HLA-C: variants seen among roughly 807,000 people sequenced by gnomAD.
The protein encoded by HLA-C is major histocompatibility complex, class I, C.
A neutral mutation model predicts 36.9 loss-of-function variants in HLA-C; 15 were observed. The observed-to-expected ratio is 0.41, with a 90% CI of 0.27 to 0.63. The LOEUF (loss-of-function observed/expected upper bound fraction) is 0.63, where lower values mean the gene tolerates loss of function less well. HLA-C is among the 20% of genes least tolerant of loss of function. The pLI is 0.35. For synonymous variants in HLA-C, 104 were observed against 174.3 expected (o/e 0.60, Z 3.18); for missense variants, 272 against 400.4 (o/e 0.68, Z 2.74).
exon 3 of HLA-C, chr6:31,271,286 C>G (rs41562320): frequency 1.7e-6 from 2 of 1,172,818 alleles, no homozygotes; most frequent in Non-Finnish European, 2.3e-6. Context: ...TGGTCATACC[C>G]GCGGAGGAGG....
At chr6:31,269,244 C>G (rs112392852) in intron 7 of HLA-C, 71 bp from the exon 8 acceptor site, 232 of 983,444 alleles carry the variant, frequency 2.4e-4, no homozygotes, top group South Asian at 9.2e-4. Context: ...AACGGCCCAC[C>G]ACACACTCGA....
In HLA-C at chr6:31,271,991, G is replaced by T; in HGVS notation, c.73+8C>A. 1 of 1,071,836 alleles carries T rather than the reference G, an allele frequency of 9.3e-7. No homozygotes were observed. The highest frequency in any genetic ancestry group is 1.2e-6 in the Non-Finnish European group (1 of 800,086). The allele number at this position is 1,071,836 out of a possible 1,614,324, so 66.4% of individuals were successfully genotyped here. A position where few individuals can be genotyped will look rare whatever the true frequency, so the allele number is the denominator to read the frequency against. On this transcript the variant is annotated splice_region_variant and intron_variant, in intron 1 of 7. Transcript: ENST00000376228. ...CAGAGGCCGCTTCCCTCCCAACCCC[G>T]CACTCACAGGCCCAGGTCTCGGTCA...
intron 5 of HLA-C, 100 bp from the exon 6 acceptor site, chr6:31,269,625 C>T: frequency 6.4e-6 from 3 of 471,886 alleles, no homozygotes; most frequent in Non-Finnish European, 9.0e-6. Flanking sequence ...GTTTCCAGAA[C>T]TACGACTGCA....
chr6:31,271,685 C>G (rs281860395), exon 2 of HLA-C: 2 of 1,496,650 alleles, frequency 1.3e-6, no homozygotes, highest in Non-Finnish European at 1.8e-6. Flanking sequence ...CTGTGTCTCC[C>G]GGTCCCAATA....
rs281860464 is a variant in HLA-C at position 31,271,289 on chromosome 6, G to A, written c.403C>T (p.Arg135Cys). The change falls in exon 3 of 8, where the codon CGC (arginine) becomes TGC (cysteine). Residue 135 changes from arginine (R) to cysteine (C), a missense_variant. By Grantham distance (180) the Arg-to-Cys change is radical. Around this residue, in one of 8 missense-constraint regions of HLA-C, gnomAD observed 72 missense variants for 53.4 expected, o/e 1.35. Transcript: ENST00000376228. ...TCGTAGGCGGACTGGTCATACCCGC[G>A]GAGGAGGCGCCCGTCGGGCCCCAGG... 2.6e-6 allele frequency: 3 copies of A among 1,165,514 alleles called. 1 individual carries two copies. The highest frequency in any genetic ancestry group is 1.1e-6 in the Non-Finnish European group (1 of 881,784). The allele number at this position is 1,165,514 out of a possible 1,614,324, so 72.2% of individuals were successfully genotyped here.
At position 31,271,703 on chromosome 6, in the gene HLA-C, C is replaced by T. The variant is rs41540214; in HGVS notation, c.239G>A (p.Gly80Glu). 14,318 of 1,464,692 alleles carry T rather than the reference C, an allele frequency of 9.8e-3. 17 individuals are homozygous for T. The highest frequency in any genetic ancestry group is 0.061 in the East Asian group (2,287 of 37,544). The allele number at this position is 1,464,692 out of a possible 1,614,324, so 90.7% of individuals were successfully genotyped here. Reference sequence around the variant, plus strand: ...TGTCTCCCGGTCCCAATACTCCGGCCCCTCCTGCTCCACCCACGGCGCCCG... The same window carrying T: ...TGTCTCCCGGTCCCAATACTCCGGCTCCTCCTGCTCCACCCACGGCGCCCG... The change falls in exon 2 of 8, where the codon GGG (glycine) becomes GAG (glutamate). Residue 80 changes from glycine (G) to glutamate (E), a missense_variant. Gly to Glu is a moderately conservative substitution (Grantham distance 98, BLOSUM62 -2). This residue lies in a region of HLA-C where 37 missense variants were observed against 28.9 expected (regional missense o/e 1.28). Transcript: ENST00000376228.
At chr6:31,271,447 A>G in intron 2 of HLA-C, 99 bp from the exon 3 acceptor site, 1 of 797,164 alleles carries the variant, frequency 1.3e-6, no homozygotes. Context: ...AACCGGGTAA[A>G]GGCGACTGGG....
Position 31,271,266 on chromosome 6 carries a change from G to A in HLA-C, c.426C>T (p.Tyr142=), listed in dbSNP as rs200172948. The A allele has an allele frequency of 1.6e-6, 2 of 1,212,970 alleles. 1 individual carries two copies. Among genetic ancestry groups the A allele is most frequent in the Non-Finnish European group, 2.2e-6 (2 of 918,580 alleles). The allele number at this position is 1,212,970 out of a possible 1,614,324, so 75.1% of individuals were successfully genotyped here. ...TCAGGGCGATGTAATCCTTGCCGTCGTAGGCGGACTGGTCATACCCGCGGA... is the reference window on the plus strand; with the variant it reads ...TCAGGGCGATGTAATCCTTGCCGTCATAGGCGGACTGGTCATACCCGCGGA... The change falls in exon 3 of 8, where the codon TAC becomes TAT. Residue 142 remains tyrosine, a synonymous_variant. Coordinates refer to ENST00000376228, the Ensembl canonical transcript of HLA-C.
rs1351306423 is a variant in HLA-C at position 31,270,079 on chromosome 6, G to A, written c.902C>T (p.Ser301Phe). Residue 301 changes from serine to phenylalanine, a missense_variant, in exon 5 of 8, where the codon TCT becomes TTT. Transcript: ENST00000376228. ...CATGATGGGGATGGTGGGCTGGGAA[G>A]ATGGCTCTGGGAAAGGAGGAGAAGG... 95 of 835,990 alleles carry A rather than the reference G, an allele frequency of 1.1e-4. 35 individuals are homozygous for A. Among genetic ancestry groups the A allele is most frequent in the Non-Finnish European group, 1.3e-4 (85 of 663,092 alleles). 51.8% of individuals were successfully genotyped at this position (835,990 alleles called of 1,614,324 possible).
rs281860359 is a variant in HLA-C, at chr6:31,271,762, G to A, written c.180C>T (p.Phe60=). 5.6e-6 allele frequency: 8 copies of A among 1,440,744 alleles called. 1 individual carries two copies. The highest frequency in any genetic ancestry group is 7.5e-6 in the Non-Finnish European group (8 of 1,065,034). The allele number at this position is 1,440,744 out of a possible 1,614,324, so 89.2% of individuals were successfully genotyped here. A position where few individuals can be genotyped will look rare whatever the true frequency, so the allele number is the denominator to read the frequency against. The change falls in exon 2 of 8, where the codon TTC becomes TTT. Residue 60 remains phenylalanine, a synonymous_variant. Transcript: ENST00000376228. Reference sequence around the variant, plus strand: ...CTCTCGGACTCGCGGCGTCGCTGTCGAACCGCACGAACTGCGTGTCGTCCA... The same window carrying A: ...CTCTCGGACTCGCGGCGTCGCTGTCAAACCGCACGAACTGCGTGTCGTCCA...
At position 31,270,262 on chromosome 6, in the gene HLA-C, G is replaced by T; in HGVS notation, c.843C>A (p.Tyr281Ter). The T allele has an allele frequency of 1.2e-6, 1 of 848,504 alleles. No individual in the cohort carries two copies. The highest frequency in any genetic ancestry group is 1.5e-6 in the Non-Finnish European group (1 of 669,692). The allele number at this position is 848,504 out of a possible 1,614,324, so 52.6% of individuals were successfully genotyped here. A position where few individuals can be genotyped will look rare whatever the true frequency, so the allele number is the denominator to read the frequency against. The stretch of plus-strand genomic sequence containing the variant: ...GCCCCTCGTGCTGCATATGGCACGT[G>T]TATCTCTGCTCTTGTCCAGAAGGCA... Residue 281 changes from tyrosine (Y) to a stop codon, truncating the protein, a stop_gained, in exon 4 of 8, where the codon TAC (tyrosine) becomes TAA (stop). Transcript: ENST00000376228. LOFTEE classifies it high-confidence loss of function.
Position 31,269,528 on chromosome 6 carries a change from G to GAGCTCTTCCTCC in HLA-C, c.1016-4_1016-3insGGAGGAAGAGCT. The GAGCTCTTCCTCC allele has an allele frequency of 1.1e-6, 1 of 890,352 alleles. No homozygotes were observed. The highest frequency in any genetic ancestry group is 1.4e-6 in the Non-Finnish European group (1 of 700,018). The allele number at this position is 890,352 out of a possible 1,614,324, so 55.2% of individuals were successfully genotyped here. A position where few individuals can be genotyped will look rare whatever the true frequency, so the allele number is the denominator to read the frequency against. On this transcript the variant is annotated splice_region_variant and splice_polypyrimidine_tract_variant and intron_variant, in intron 5 of 7. Transcript: ENST00000376228. Reference sequence around the variant, plus strand: ...AGAGCAGCTCCCTCCTTTTCCACCTGTGGGAAGAAAATGCCCTATGAGGGG... The same window carrying GAGCTCTTCCTCC: ...AGAGCAGCTCCCTCCTTTTCCACCTGAGCTCTTCCTCCTGGGAAGAAAATGCCCTATGAGGGG...
At chr6:31,270,836 A>G (rs9264647) in intron 3 of HLA-C, 5,186 of 262,406 alleles carry the variant, frequency 0.02, 1,565 homozygotes, top group South Asian at 0.061. Flanking sequence ...TGGTCAAAGG[A>G]GACCCCTGAT....
intron 5 of HLA-C, 55 bp from the exon 6 acceptor site, chr6:31,269,580 CT>C: frequency 1.5e-6 from 1 of 676,116 alleles, no homozygotes; most frequent in Non-Finnish European, 1.9e-6. Context: ...GCCATGTGAT[CT>C]TAGGGGAACC....
chr6:31,271,640 C>T (rs2308557), exon 2 of HLA-C: 199,942 of 1,044,290 alleles, frequency 0.19, 59,887 homozygotes, highest in African/African-American at 0.35. Context: ...GTTCCGCAGG[C>T]TCACTCGGTC....
chr6:31,269,008 G>A (rs1582310113), exon 8 of HLA-C: 2 of 700,992 alleles, frequency 2.9e-6, no homozygotes, highest in Admixed American at 2.1e-5. Context: ...AGGGGTCACG[G>A]TGGACACGGG....
At chr6:31,269,039 C>T (rs755396660) in exon 8 of HLA-C, 15 of 722,882 alleles carry the variant, frequency 2.1e-5, no homozygotes, top group African/African-American at 3.6e-5. Flanking sequence ...CTCTCCACCT[C>T]CTCACATTAT....
At chr6:31,269,206 GT>G in intron 7 of HLA-C, 33 bp from the exon 8 acceptor site, 1 of 1,346,270 alleles carries the variant, frequency 7.4e-7, no homozygotes, top group Non-Finnish European at 9.9e-7. Context: ...ACAAATTCAG[GT>G]CAGTCATGGT....
Position 31,271,324 on chromosome 6 carries a change from G to C in HLA-C, c.368C>G (p.Ser123Cys), listed in dbSNP as rs1131115. ...CCCGTCGGGCCCCAGGTCGCAGCCA[G>C]ACATCCTCTGGAGGGTGTGAGACCC... Residue 123 changes from serine to cysteine, a missense_variant, in exon 3 of 8, where the codon TCT (serine) becomes TGT (cysteine). Physicochemically the swap from Ser to Cys is moderately radical, Grantham distance 112. Coordinates refer to ENST00000376228, the Ensembl canonical transcript of HLA-C. 28,125 of 956,440 alleles carry C rather than the reference G, an allele frequency of 0.029. 5,463 individuals are homozygous for C. The highest frequency in any genetic ancestry group is 0.15 in the East Asian group (3,139 of 21,292). The allele number at this position is 956,440 out of a possible 1,614,324, so 59.2% of individuals were successfully genotyped here. A position where few individuals can be genotyped will look rare whatever the true frequency, so the allele number is the denominator to read the frequency against.
Sources: gnomAD v4.1 joint callset for allele counts on GRCh38, gnomAD v4.1.1 for gene constraint, gnomAD v4.1.1 regional missense constraint, MANE v1.5 for transcripts, NCBI Gene and HGNC (gene_info 2026-07-23, HGNC 2026-07-21) for gene names.